Variants in NLRC4 observed in about 807,000 individuals in gnomAD.
The protein encoded by NLRC4 is NLR family CARD domain-containing protein 4.
Under a neutral mutation model 79.9 loss-of-function variants are expected in NLRC4, and 63 were observed. That is an observed-to-expected ratio of 0.79 (90% CI 0.64 to 0.97). The LOEUF (loss-of-function observed/expected upper bound fraction) is 0.97. NLRC4 is among the 50% of genes least tolerant of loss of function. The pLI, the probability that NLRC4 is intolerant of heterozygous loss-of-function variation, is 0.00. For synonymous variants in NLRC4, 461 were observed against 456.5 expected, an observed-to-expected ratio of 1.01 and a Z score of -0.12; for missense variants, 1,074 against 1,215.2, an observed-to-expected ratio of 0.88 and a Z score of 1.73.
chr2:32,243,737 G>A (rs1207529428), intron 4 of NLRC4, among the ~76,000 whole-genome samples: 1 of 150,446 alleles, frequency 6.6e-6, no homozygotes, highest in East Asian at 2.0e-4. Flanking sequence ...GGCGGCGGTT[G>A]CAGTGAGCCG....
chr2:32,238,448 AC>A, intron 5 of NLRC4, 146 bp from the exon 6 acceptor site: 1 of 671,740 alleles, frequency 1.5e-6, no homozygotes, highest in Non-Finnish European at 2.5e-6. Flanking sequence ...CAAAGAATCA[AC>A]GAGAGCTTTT....
chr2:32,263,428 C>G (rs1449624738), intron 1 of NLRC4, among the ~76,000 whole-genome samples: 1 of 152,214 alleles, frequency 6.6e-6, no homozygotes, highest in East Asian at 1.9e-4. Context: ...TAAAAAGGCT[C>G]TAGACTAGAA....
intron 3 of NLRC4, among the ~76,000 whole-genome samples, chr2:32,252,033 C>G (rs941051565): frequency 6.6e-6 from 1 of 152,138 alleles, no homozygotes; most frequent in Non-Finnish European, 1.5e-5. Context: ...GTCAGTCAGG[C>G]TGTCTTTACC....
At chr2:32,260,677 C>A (rs1470288286) in intron 1 of NLRC4, among the ~76,000 whole-genome samples, 1 of 152,234 alleles carries the variant, frequency 6.6e-6, no homozygotes, top group Non-Finnish European at 1.5e-5. Flanking sequence ...GGGGGCCAGG[C>A]ATATTCAACA....
chr2:32,261,314 C>CCG (rs1553348951), intron 1 of NLRC4, among the ~76,000 whole-genome samples: 1 of 81,202 alleles, frequency 1.2e-5, no homozygotes, highest in Non-Finnish European at 2.6e-5. Flanking sequence ...TAAGCCTCCC[C>CCG]CCTTTTGTTT....
At chr2:32,229,623 G>A (rs1686485162) in intron 8 of NLRC4, among the ~76,000 whole-genome samples, 1 of 152,188 alleles carries the variant, frequency 6.6e-6, no homozygotes, top group South Asian at 2.1e-4. Flanking sequence ...CTCTGAGGAA[G>A]AACAGCAGAT....
intron 8 of NLRC4, among the ~76,000 whole-genome samples, chr2:32,230,726 T>C (rs1686513505): frequency 6.6e-6 from 1 of 152,234 alleles, no homozygotes; most frequent in Non-Finnish European, 1.5e-5. Flanking sequence ...CATGCTATTA[T>C]AAACATTAAT....
At chr2:32,229,122 A>AG (rs1339732624) in intron 8 of NLRC4, among the ~76,000 whole-genome samples, 1 of 151,752 alleles carries the variant, frequency 6.6e-6, no homozygotes, top group Non-Finnish European at 1.5e-5. Context: ...CATTTAACAA[A>AG]GGGTTTTGTT....
Position 32,233,347 on chromosome 2 carries a change from ATATTTTTTT to A in NLRC4, c.2782+2045_2782+2053del, listed in dbSNP as rs1404108619. Among the ~76,000 whole-genome samples, 13 of 45,622 alleles carry A rather than the reference ATATTTTTTT, an allele frequency of 2.8e-4. No homozygotes were observed. The South Asian group carries it at 5.6e-3, about 20-fold the overall frequency. 29.9% of individuals were successfully genotyped at this position (45,622 alleles called of 152,430 possible). A position where few individuals can be genotyped will look rare whatever the true frequency, so the allele number is the denominator to read the frequency against. On this transcript the variant is annotated intron_variant, in intron 8 of 8. Coordinates refer to ENST00000402280, the MANE Select transcript of NLRC4 (RefSeq NM_001199138.2). The stretch of plus-strand genomic sequence containing the variant: ...TATATATATATATATATATATATAT[ATATTTTTTT>A]TTTTTTTTTTTTAATTGTAGAGACG...
At chr2:32,251,658 A>T in intron 3 of NLRC4, 57 bp from the exon 4 acceptor site, 1 of 1,172,334 alleles carries the variant, frequency 8.5e-7, no homozygotes, top group Non-Finnish European at 1.2e-6. Context: ...CTCAAAACCT[A>T]GAGTTCAGGA....
intron 8 of NLRC4, among the ~76,000 whole-genome samples, chr2:32,230,664 C>T (rs756455657): frequency 6.6e-6 from 1 of 151,962 alleles, no homozygotes; most frequent in Non-Finnish European, 1.5e-5. Context: ...ATTTTTTAAT[C>T]CATTCATTAT....
At chr2:32,242,685 G>A (rs185588339) in intron 4 of NLRC4, among the ~76,000 whole-genome samples, 141 of 152,160 alleles carry the variant, frequency 9.3e-4, no homozygotes, top group African/African-American at 3.3e-3. Flanking sequence ...GAAGTACAAA[G>A]AATAATTCCC....
intron 1 of NLRC4, among the ~76,000 whole-genome samples, chr2:32,260,824 A>C (rs1482487786): frequency 1.3e-5 from 2 of 152,190 alleles, no homozygotes; most frequent in African/African-American, 2.4e-5. Context: ...GCGCTATGCA[A>C]ACGTTATACC....
intron 4 of NLRC4, among the ~76,000 whole-genome samples, chr2:32,247,534 G>C (rs1686966245): frequency 6.6e-6 from 1 of 151,186 alleles, no homozygotes; most frequent in South Asian, 2.1e-4. Context: ...GGCTGGTCTT[G>C]AACTCCCAAC....
intron 2 of NLRC4, among the ~76,000 whole-genome samples, chr2:32,256,320 A>T (rs1298209964): frequency 6.6e-6 from 1 of 152,176 alleles, no homozygotes; most frequent in Non-Finnish European, 1.5e-5. Flanking sequence ...TGACTGTGCA[A>T]CTGAAGTTTA....
intron 6 of NLRC4, among the ~76,000 whole-genome samples, chr2:32,237,820 T>C (rs1049162810): frequency 1.3e-5 from 2 of 152,224 alleles, no homozygotes; most frequent in African/African-American, 2.4e-5. Context: ...TAAATGTTTA[T>C]TAGGCAGTAA....
intron 8 of NLRC4, among the ~76,000 whole-genome samples, chr2:32,233,350 T>TATA (rs1491211096): frequency 9.0e-3 from 218 of 24,336 alleles, no homozygotes; most frequent in African/African-American, 0.01. Flanking sequence ...TATATATATA[T>TATA]TTTTTTTTTT....
Position 32,250,983 on chromosome 2 carries a change from G to A in NLRC4, c.881C>T (p.Thr294Ile), listed in dbSNP as rs2148942719. 6.2e-7 allele frequency: 1 copy of A among 1,614,170 alleles called. No homozygotes were observed. The highest frequency in any genetic ancestry group is 1.1e-5 in the South Asian group (1 of 91,076). Residue 294 changes from threonine (T) to isoleucine (I), a missense_variant, in exon 4 of 9, where the codon ACT becomes ATT. Thr to Ile is a moderately conservative substitution (Grantham distance 89). Transcript: ENST00000402280. This position sits in a 1 kb window ranked among gnomAD's most constrained non-coding sequence, Gnocchi z 4.9. The part of the protein sequence containing the change: ...LRHIRQFGAL[T>I]AEVGDMTEDS... ...TTCTGTCATATCCCCCACCTCAGCA[G>A]TCAGGGCACCAAACTGCCGTATGTG...
intron 8 of NLRC4, among the ~76,000 whole-genome samples, chr2:32,225,770 C>G (rs1686374533): frequency 6.6e-6 from 1 of 152,186 alleles, no homozygotes; most frequent in Non-Finnish European, 1.5e-5. Flanking sequence ...CAGAGTATCA[C>G]ACACAAAATG....
Sources: allele counts gnomAD v4.1 joint callset (sites outside exome capture counted in the v4.1 genomes callset), GRCh38; gene constraint gnomAD v4.1.1; non-coding constraint Gnocchi (gnomAD v3.1); transcripts MANE v1.5; gene names NCBI Gene and HGNC (gene_info 2026-07-23, HGNC 2026-07-21).